Variants in GIPC2 observed in about 807,000 individuals in gnomAD.
GIPC2 encodes the protein PDZ domain-containing protein GIPC2.
Under a neutral mutation model 30.6 loss-of-function variants are expected in GIPC2, and 30 were observed. That is an observed-to-expected ratio of 0.98 (90% CI 0.73 to 1.33). The LOEUF (loss-of-function observed/expected upper bound fraction) is 1.33. GIPC2 is among the 40% of genes most tolerant of loss of function. GIPC2 has a pLI of 0.00. For synonymous variants in GIPC2, 167 were observed against 150.0 expected (o/e 1.11, Z -0.83); for missense variants, 414 against 390.3 (o/e 1.06, Z -0.51).
intron 1 of GIPC2, among the ~76,000 whole-genome samples, chr1:78,065,192 C>A (rs1301529128): frequency 6.6e-6 from 1 of 152,068 alleles, no homozygotes; most frequent in East Asian, 1.9e-4. Flanking sequence ...CAGGGTTAGT[C>A]TTACAGGACT....
chr1:78,073,253 G>A (rs186425058), intron 1 of GIPC2, among the ~76,000 whole-genome samples: 1 of 151,456 alleles, frequency 6.6e-6, no homozygotes, highest in African/African-American at 2.4e-5. Context: ...ACAGGTGCAC[G>A]CCACCACACC....
chr1:78,051,794 G>A (rs113715236), intron 1 of GIPC2, among the ~76,000 whole-genome samples: 216 of 152,270 alleles, frequency 1.4e-3, no homozygotes, highest in African/African-American at 5.0e-3. Flanking sequence ...CGCACCTGGC[G>A]TAGAATTGTG....
chr1:78,098,012 A>G (rs2100384218), intron 3 of GIPC2, among the ~76,000 whole-genome samples: 1 of 152,310 alleles, frequency 6.6e-6, no homozygotes, highest in Admixed American at 6.5e-5. Context: ...ATAGGTAGGA[A>G]AAAAGTAGCA....
chr1:78,112,589 G>T, intron 3 of GIPC2: 2 of 517,036 alleles, frequency 3.9e-6, no homozygotes, highest in South Asian at 2.8e-5. Context: ...GTGCGGAAGT[G>T]GGGAGAATAT....
At chr1:78,062,510 T>C (rs1330149142) in intron 1 of GIPC2, among the ~76,000 whole-genome samples, 2 of 151,750 alleles carry the variant, frequency 1.3e-5, no homozygotes, top group Admixed American at 1.3e-4. Flanking sequence ...TTTTTCTTTT[T>C]TTTTTTTTTT....
intron 5 of GIPC2, among the ~76,000 whole-genome samples, chr1:78,129,822 A>G (rs1662857339): frequency 6.6e-6 from 1 of 152,212 alleles, no homozygotes; most frequent in Non-Finnish European, 1.5e-5. Flanking sequence ...TGTGTATAGA[A>G]CTATAATGTT....
chr1:78,100,775 C>T (rs1662229849), intron 3 of GIPC2, among the ~76,000 whole-genome samples: 4 of 151,726 alleles, frequency 2.6e-5, no homozygotes, highest in Admixed American at 2.6e-4. Flanking sequence ...ACTAAAAATA[C>T]AAGAATTAGC....
chr1:78,132,814 C>T (rs1662926126), intron 5 of GIPC2, among the ~76,000 whole-genome samples: 1 of 152,024 alleles, frequency 6.6e-6, no homozygotes, highest in Non-Finnish European at 1.5e-5. Flanking sequence ...ATGGTCCGTA[C>T]ATTTTCTTAT....
intron 3 of GIPC2, among the ~76,000 whole-genome samples, chr1:78,104,804 A>C (rs147713898): frequency 3.2e-4 from 48 of 152,238 alleles, no homozygotes; most frequent in African/African-American, 1.2e-3. Flanking sequence ...ATAAAAGTTC[A>C]GTTTCAGGTG....
intron 3 of GIPC2, among the ~76,000 whole-genome samples, chr1:78,101,545 G>A (rs1662250287): frequency 6.6e-6 from 1 of 151,978 alleles, no homozygotes; most frequent in Non-Finnish European, 1.5e-5. Flanking sequence ...TTTTACTGTG[G>A]GTCACAGAAA....
chr1:78,078,414 G>A (rs1464439191), intron 1 of GIPC2, among the ~76,000 whole-genome samples: 3 of 152,090 alleles, frequency 2.0e-5, no homozygotes, highest in Non-Finnish European at 4.4e-5. Context: ...ACCTTGCAGT[G>A]GCTATCACAT....
intron 5 of GIPC2, 152 bp downstream of exon 5, chr1:78,126,114 A>C (rs889031061): frequency 3.9e-6 from 2 of 517,324 alleles, no homozygotes; most frequent in Non-Finnish European, 7.0e-6. Flanking sequence ...AATAATGAAG[A>C]CCTGTTCCTT....
intron 3 of GIPC2, among the ~76,000 whole-genome samples, chr1:78,115,625 C>T (rs1224015907): frequency 1.3e-5 from 2 of 152,188 alleles, no homozygotes; most frequent in African/African-American, 4.8e-5. Flanking sequence ...ATAATTCTTT[C>T]TTCCCTCACA....
At chr1:78,133,290 G>A (rs1041103066) in intron 5 of GIPC2, among the ~76,000 whole-genome samples, 2 of 152,200 alleles carry the variant, frequency 1.3e-5, no homozygotes, top group East Asian at 1.9e-4. Context: ...TCAGTGCAGA[G>A]CAATGTTGAA....
chr1:78,059,795 G>T (rs2102640297), intron 1 of GIPC2, among the ~76,000 whole-genome samples: 1 of 152,114 alleles, frequency 6.6e-6, no homozygotes, highest in South Asian at 2.1e-4. Context: ...AAGAAAAAAA[G>T]AAAAAATAAA....
intron 5 of GIPC2, among the ~76,000 whole-genome samples, chr1:78,128,147 A>G (rs1662817526): frequency 6.6e-6 from 1 of 152,208 alleles, no homozygotes; most frequent in Non-Finnish European, 1.5e-5. Flanking sequence ...TAAAGCTGAA[A>G]ACCAATGTCT....
intron 3 of GIPC2, chr1:78,112,581 G>T: frequency 1.9e-6 from 1 of 518,340 alleles, no homozygotes; most frequent in Non-Finnish European, 3.9e-6. Context: ...CTCGTTCTGT[G>T]CGGAAGTGGG....
chr1:78,135,860 A>G lies in GIPC2; in HGVS notation c.*117A>G, dbSNP rs1275810831. 1.3e-6 allele frequency: 1 copy of G among 765,488 alleles called. No individual in the cohort carries two copies. The highest frequency in any genetic ancestry group is 2.1e-6 in the Non-Finnish European group (1 of 477,216). The allele number at this position is 765,488 out of a possible 1,614,324, so 47.4% of individuals were successfully genotyped here. ...CTAACTCTGGTTTAATTTCATGTGT[A>G]TGGAATATATTCTTTGAAATATAAT... On this transcript the variant is annotated 3_prime_UTR_variant, in exon 6 of 6. Coordinates refer to ENST00000370759, the MANE Select transcript of GIPC2 (RefSeq NM_017655.6).
At chr1:78,134,496 C>T (rs563592144) in intron 5 of GIPC2, among the ~76,000 whole-genome samples, 25 of 152,184 alleles carry the variant, frequency 1.6e-4, no homozygotes, top group African/African-American at 6.0e-4. Flanking sequence ...CCATGCCAGG[C>T]TGCCTGGCCA....
Sources: gnomAD v4.1 joint callset for allele counts (sites outside exome capture counted in the v4.1 genomes callset) on GRCh38, gnomAD v4.1.1 for gene constraint, MANE v1.5 for transcripts, NCBI Gene and HGNC (gene_info 2026-07-23, HGNC 2026-07-21) for gene names.